PER2: variants seen among roughly 807,000 people sequenced by gnomAD.
The protein encoded by PER2 is period circadian protein homolog 2.
Under a neutral mutation model 121.0 loss-of-function variants are expected in PER2, and 66 were observed. That is an observed-to-expected ratio of 0.55 (90% CI 0.45 to 0.67). The LOEUF is 0.67. PER2 is among the 30% of genes least tolerant of loss of function. The probability of loss-of-function intolerance (pLI) is 0.00; values close to 1 mark genes in which losing one functional copy is unlikely to be tolerated. For synonymous variants in PER2, 684 were observed against 659.9 expected, an observed-to-expected ratio of 1.04 and a Z score of -0.56; for missense variants, 1,521 against 1,635.0, an observed-to-expected ratio of 0.93 and a Z score of 1.20.
At chr2:238,256,038 G>T in intron 17 of PER2, 127 bp from the exon 18 acceptor site, 1 of 1,189,892 alleles carries the variant, frequency 8.4e-7, no homozygotes, top group Non-Finnish European at 1.2e-6. Flanking sequence ...GTGGCATGAG[G>T]ATGAGACTCA....
Position 238,268,928 on chromosome 2 carries a change from A to G in PER2, c.819T>C (p.Arg273=). The change falls in exon 7 of 23, where the codon CGT becomes CGC. Residue 273 remains arginine (R), a synonymous_variant. Transcript: ENST00000254657. This position sits in a 1 kb window ranked among gnomAD's most constrained non-coding sequence, Gnocchi z 4.0. ...ECMEEKSFFC[R]VSVRKSHENE... ...AAACTGGGAACCAGGCTTACCTGAC[A>G]CGGCAAAAGAAAGATTTCTCCTCCA... 2.5e-6 allele frequency: 4 copies of G among 1,610,832 alleles called. No homozygotes were observed. Among genetic ancestry groups the G allele is most frequent in the Non-Finnish European group, 3.4e-6 (4 of 1,176,928 alleles).
At chr2:238,260,082 T>C (rs775562787) in intron 13 of PER2, 29 bp from the exon 14 acceptor site, 1 of 1,014,290 alleles carries the variant, frequency 9.9e-7, no homozygotes, top group Non-Finnish European at 1.5e-6. Flanking sequence ...GAACACATTA[T>C]TCATTCTAGG....
intron 13 of PER2, among the ~76,000 whole-genome samples, 187 bp downstream of exon 13, chr2:238,260,641 T>C (rs1559327454): frequency 6.6e-6 from 1 of 152,256 alleles, no homozygotes; most frequent in South Asian, 2.1e-4. Flanking sequence ...CACTTAGCTA[T>C]GGTTTCTAGC....
intron 5 of PER2, among the ~76,000 whole-genome samples, chr2:238,271,741 AAC>A (rs2106318031): frequency 6.6e-6 from 1 of 152,310 alleles, no homozygotes; most frequent in Admixed American, 6.5e-5. Flanking sequence ...CTTAATAAAA[AAC>A]AGCCTACATC....
intron 17 of PER2, among the ~76,000 whole-genome samples, chr2:238,256,673 T>C (rs1695771918): frequency 6.6e-6 from 1 of 152,156 alleles, no homozygotes; most frequent in Non-Finnish European, 1.5e-5. Context: ...TCAACCCTCC[T>C]GCGTTGATGC....
At chr2:238,273,401 G>A (rs1411477263) in intron 4 of PER2, among the ~76,000 whole-genome samples, 3 of 152,120 alleles carry the variant, frequency 2.0e-5, no homozygotes, top group Non-Finnish European at 4.4e-5. Flanking sequence ...AACATCAGAA[G>A]GACTTTGATT....
chr2:238,246,704 A>C (rs1574836335), intron 22 of PER2, among the ~76,000 whole-genome samples, 180 bp from the exon 23 acceptor site: 1 of 152,146 alleles, frequency 6.6e-6, no homozygotes, highest in African/African-American at 2.4e-5. Context: ...GTGAAATCCC[A>C]TCTCTACTAA....
chr2:238,264,960 C>T (rs1251398859), intron 9 of PER2, among the ~76,000 whole-genome samples: 1 of 152,154 alleles, frequency 6.6e-6, no homozygotes, highest in Non-Finnish European at 1.5e-5. Flanking sequence ...TTTTTGGAGT[C>T]TTCATGCATT....
At chr2:238,285,880 T>C (rs1457912734) in intron 1 of PER2, among the ~76,000 whole-genome samples, 1 of 138,674 alleles carries the variant, frequency 7.2e-6, no homozygotes, top group African/African-American at 2.5e-5. Context: ...CTAACATGTT[T>C]TCTACTTCCT....
chr2:238,277,072 A>C, intron 3 of PER2, 59 bp downstream of exon 3: 4 of 1,272,412 alleles, frequency 3.1e-6, no homozygotes, highest in Non-Finnish European at 4.6e-6. Context: ...ACTAACCTCC[A>C]ATAAGAAGTC....
In PER2 at chr2:238,257,075, G is replaced by A; in HGVS notation, c.1912C>T (p.Pro638Ser). 1.9e-6 allele frequency: 3 copies of A among 1,612,306 alleles called. No homozygotes were observed. The highest frequency in any genetic ancestry group is 1.7e-6 in the Non-Finnish European group (2 of 1,179,918). Residue 638 changes from proline to serine, a missense_variant, in exon 17 of 23, where the codon CCC (proline) becomes TCC (serine). Physicochemically the swap from Pro to Ser is moderately conservative, Grantham distance 74 (BLOSUM62 -1). Transcript: ENST00000254657. ...PGPHAGEAEPPSRVNSRTGVG... is the reference protein window; with the variant it reads ...PGPHAGEAEPSSRVNSRTGVG... Reference sequence around the variant, plus strand: ...CCCGTGCGGCTGTTCACCCTGGAGGGCGGCTCTGCCTCTTCATGAGAGGAA... The same window carrying A: ...CCCGTGCGGCTGTTCACCCTGGAGGACGGCTCTGCCTCTTCATGAGAGGAA...
chr2:238,257,574 A>G (rs1350265809), intron 16 of PER2, among the ~76,000 whole-genome samples: 1 of 152,216 alleles, frequency 6.6e-6, no homozygotes, highest in Non-Finnish European at 1.5e-5. Flanking sequence ...GCCAGGTACA[A>G]GCCATTCTCC....
chr2:238,257,357 G>A (rs948153729), intron 16 of PER2, among the ~76,000 whole-genome samples: 39 of 152,274 alleles, frequency 2.6e-4, no homozygotes, highest in Non-Finnish European at 5.9e-5. Flanking sequence ...CAGCTTGGCA[G>A]CTGCAGGGCA....
At chr2:238,287,479 G>A (rs1696822809) in intron 1 of PER2, among the ~76,000 whole-genome samples, 1 of 152,216 alleles carries the variant, frequency 6.6e-6, no homozygotes, top group African/African-American at 2.4e-5. Context: ...ACAGGTGAGA[G>A]GCGTCCATGT....
At chr2:238,287,884 G>C (rs188251981) in intron 1 of PER2, among the ~76,000 whole-genome samples, 1 of 152,178 alleles carries the variant, frequency 6.6e-6, no homozygotes, top group Non-Finnish European at 1.5e-5. Context: ...GGCAGCCAAA[G>C]TACATCCCAG....
intron 1 of PER2, among the ~76,000 whole-genome samples, chr2:238,286,699 T>G (rs567655912): frequency 6.6e-6 from 1 of 152,362 alleles, no homozygotes; most frequent in South Asian, 2.1e-4. Flanking sequence ...GAGCCTGTCT[T>G]TCTTCTGACT....
intron 11 of PER2, 78 bp from the exon 12 acceptor site, chr2:238,261,915 G>T (rs1338589329): frequency 1.6e-5 from 16 of 1,023,760 alleles, no homozygotes; most frequent in Non-Finnish European, 2.4e-5. Flanking sequence ...GCCACTACAT[G>T]CTGCCTGCCT....
In PER2 at chr2:238,253,094, A is replaced by C. The variant is rs544315925; in HGVS notation, c.2929T>G (p.Ser977Ala). 2 of 1,609,772 alleles carry C rather than the reference A, an allele frequency of 1.2e-6. No individual in the cohort carries two copies. The highest frequency in any genetic ancestry group is 3.3e-5 in the Admixed American group (2 of 59,942). ...CTGCGGGACTGAAAGAGCGGTGGGGAGGCCCTACCCATGGCCGATGGTGGG... is the reference window on the plus strand; with the variant it reads ...CTGCGGGACTGAAAGAGCGGTGGGGCGGCCCTACCCATGGCCGATGGTGGG... ...ATPPSAMGRA[S>A]PPLFQSRSSS... Residue 977 changes from serine (S) to alanine (A), a missense_variant, in exon 19 of 23, where the codon TCC becomes GCC. Transcript: ENST00000254657. The surrounding 1 kb of genome is among the most constrained non-coding windows in gnomAD (Gnocchi z 5.6).
At chr2:238,297,665 G>GC in the PER2 span, among the ~76,000 whole-genome samples, 1 of 152,194 alleles carries the variant, frequency 6.6e-6, no homozygotes. Flanking sequence ...ACAGAAGGGG[G>GC]CCCAGATAGT....
Sources: allele counts gnomAD v4.1 joint callset (sites outside exome capture counted in the v4.1 genomes callset), GRCh38; gene constraint gnomAD v4.1.1; non-coding constraint Gnocchi (gnomAD v3.1); transcripts MANE v1.5; gene names NCBI Gene and HGNC (gene_info 2026-07-23, HGNC 2026-07-21).